CADM1: variants seen among roughly 807,000 people sequenced by gnomAD.
CADM1 encodes cell adhesion molecule 1, also known as TSLC-1.
In CADM1, 15 loss-of-function variants were observed where a neutral mutation model predicts 53.1. The ratio of observed to expected loss-of-function variants is 0.28; its 90% confidence interval spans 0.19 to 0.44. The LOEUF is 0.44. Among genes scored for constraint, CADM1 ranks in the 20% least tolerant of loss-of-function variants. CADM1 has a pLI of 1.00. For synonymous variants in CADM1, 281 were observed against 243.0 expected, an observed-to-expected ratio of 1.16 and a Z score of -1.45; for missense variants, 434 against 611.3, an observed-to-expected ratio of 0.71 and a Z score of 3.06.
intron 1 of CADM1, among the ~76,000 whole-genome samples, chr11:115,317,309 A>T (rs1031050986): frequency 6.6e-6 from 1 of 152,142 alleles, no homozygotes; most frequent in Non-Finnish European, 1.5e-5. Context: ...GGAGATGAAC[A>T]CGAAAAATTT....
rs147814019 is a variant in CADM1, at chr11:115,422,214, G to A, written c.124+82057C>T. Among the ~76,000 whole-genome samples, 33 of 152,250 alleles carry A rather than the reference G, an allele frequency of 2.2e-4. No individual in the cohort carries two copies. The East Asian group carries it at 4.8e-3, about 22-fold the overall frequency. On this transcript the variant is annotated intron_variant, in intron 1 of 11. Transcript: ENST00000331581. Reference sequence around the variant, plus strand: ...GTGCCTTCTCTCAAATCCACCAAATGCTGGAAAATGCCGCTCTCAGACAGA... The same window carrying A: ...GTGCCTTCTCTCAAATCCACCAAATACTGGAAAATGCCGCTCTCAGACAGA...
chr11:115,184,793 G>GT (rs1939467870), intron 10 of CADM1, among the ~76,000 whole-genome samples: 1 of 152,218 alleles, frequency 6.6e-6, no homozygotes, highest in Admixed American at 6.5e-5. Flanking sequence ...CCAGAGCTCA[G>GT]TATGTGTTCA....
chr11:115,228,301 G>A (rs1941689003), intron 5 of CADM1, among the ~76,000 whole-genome samples: 1 of 152,186 alleles, frequency 6.6e-6, no homozygotes. Context: ...GTGACAATTT[G>A]TTATGGCAGC....
intron 1 of CADM1, among the ~76,000 whole-genome samples, chr11:115,481,649 T>C (rs314511): frequency 0.047 from 7,123 of 152,274 alleles, 198 homozygotes; most frequent in Middle Eastern, 0.092. Context: ...CACTGTCTGC[T>C]TTCTAAATTT....
Position 115,295,549 on chromosome 11 carries a change from T to TAA in CADM1, c.125-55131_125-55130dup, listed in dbSNP as rs66617340. ...ATATATATATATATATATATATATA[T>TAA]AATATATATGTATATGCACATATAT... is the stretch of plus-strand genomic sequence containing the variant. On this transcript the variant is annotated intron_variant, in intron 1 of 11. Transcript: ENST00000331581. 3.5e-3 allele frequency among the ~76,000 whole-genome samples: 182 copies of TAA among 51,704 alleles called. 3 individuals are homozygous for TAA. Among genetic ancestry groups the TAA allele is most frequent in the East Asian group, 0.031 (27 of 870 alleles). 33.9% of individuals were successfully genotyped at this position (51,704 alleles called of 152,430 possible). A position where few individuals can be genotyped will look rare whatever the true frequency, so the allele number is the denominator to read the frequency against.
chr11:115,454,018 A>C (rs568795990), intron 1 of CADM1, among the ~76,000 whole-genome samples: 1 of 152,106 alleles, frequency 6.6e-6, no homozygotes, highest in Admixed American at 6.5e-5. Context: ...AGAGAAGTTC[A>C]TTCATTGGTC....
chr11:115,344,104 C>T (rs1193461299), intron 1 of CADM1, among the ~76,000 whole-genome samples: 2 of 151,868 alleles, frequency 1.3e-5, no homozygotes, highest in Non-Finnish European at 2.9e-5. Context: ...CTTCTGGTCT[C>T]CTTACAATGT....
At chr11:115,470,285 C>T (rs1948984639) in intron 1 of CADM1, among the ~76,000 whole-genome samples, 1 of 152,092 alleles carries the variant, frequency 6.6e-6, no homozygotes, top group Admixed American at 6.6e-5. Context: ...AGAATAAAAA[C>T]TAAATAAAGA....
At chr11:115,278,884 G>A (rs1336593035) in intron 1 of CADM1, among the ~76,000 whole-genome samples, 1 of 152,164 alleles carries the variant, frequency 6.6e-6, no homozygotes, top group East Asian at 1.9e-4. Context: ...GAGAGAGGAT[G>A]GAGGGAATAA....
intron 1 of CADM1, among the ~76,000 whole-genome samples, chr11:115,362,074 T>C (rs1357582162): frequency 6.6e-6 from 1 of 152,132 alleles, no homozygotes; most frequent in African/African-American, 2.4e-5. Flanking sequence ...TGAATAATCT[T>C]AAACTCTGTT....
chr11:115,372,539 A>G (rs1015791442), intron 1 of CADM1, among the ~76,000 whole-genome samples: 45 of 152,270 alleles, frequency 3.0e-4, no homozygotes, highest in African/African-American at 9.6e-4. Flanking sequence ...TCTCAAGAAC[A>G]TTGATAAAAA....
chr11:115,228,936 A>G (rs1005138962), intron 5 of CADM1, among the ~76,000 whole-genome samples, 177 bp downstream of exon 5: 1 of 152,230 alleles, frequency 6.6e-6, no homozygotes, highest in Non-Finnish European at 1.5e-5. Context: ...TCAAATCCTC[A>G]TTGGCACTCT....
chr11:115,367,945 T>A (rs1399142451), intron 1 of CADM1, among the ~76,000 whole-genome samples: 1 of 152,028 alleles, frequency 6.6e-6, no homozygotes, highest in Non-Finnish European at 1.5e-5. Context: ...ATTGAAATGG[T>A]TAAATGTCTA....
intron 1 of CADM1, among the ~76,000 whole-genome samples, chr11:115,318,421 C>T (rs552081312): frequency 6.6e-6 from 1 of 152,068 alleles, no homozygotes; most frequent in Non-Finnish European, 1.5e-5. Context: ...CTTGAAAATT[C>T]GTAAAAATTT....
chr11:115,337,112 C>A (rs1295578464), intron 1 of CADM1, among the ~76,000 whole-genome samples: 3 of 152,130 alleles, frequency 2.0e-5, no homozygotes, highest in African/African-American at 7.2e-5. Context: ...AAAACCAAGT[C>A]TGTCTAAGCT....
rs764344768 is a variant in CADM1, at chr11:115,175,179, T to A, written c.*1295A>T. On this transcript the variant is annotated 3_prime_UTR_variant, in exon 12 of 12. Transcript: ENST00000331581. ...GTTTTTCCACCTCTGCTCTGACCTATCGAGAACTGAGAGCGACAGCAGACC... is the reference window on the plus strand; with the variant it reads ...GTTTTTCCACCTCTGCTCTGACCTAACGAGAACTGAGAGCGACAGCAGACC... The A allele has an allele frequency of 5.1e-6, 5 of 985,802 alleles. No individual in the cohort carries two copies. The highest frequency in any genetic ancestry group is 6.0e-6 in the Non-Finnish European group (5 of 829,908). 61.1% of individuals were successfully genotyped at this position (985,802 alleles called of 1,614,324 possible). A position where few individuals can be genotyped will look rare whatever the true frequency, so the allele number is the denominator to read the frequency against.
chr11:115,388,282 T>C (rs1240525338), intron 1 of CADM1, among the ~76,000 whole-genome samples: 3 of 152,020 alleles, frequency 2.0e-5, no homozygotes, highest in Non-Finnish European at 4.4e-5. Context: ...GATGAATGGA[T>C]AGAAAAATTC....
intron 4 of CADM1, 98 bp downstream of exon 4, chr11:115,231,255 T>A (rs533460943): frequency 7.6e-7 from 1 of 1,312,150 alleles, no homozygotes; most frequent in African/African-American, 1.4e-5. Context: ...TGAATACTTT[T>A]GTTTCATGGG....
chr11:115,462,494 A>G (rs1591269619), intron 1 of CADM1, among the ~76,000 whole-genome samples: 1 of 152,162 alleles, frequency 6.6e-6, no homozygotes, highest in African/African-American at 2.4e-5. Context: ...AGTAAGGTGT[A>G]CCGACATCAT....
Sources: allele counts gnomAD v4.1 joint callset (sites outside exome capture counted in the v4.1 genomes callset), GRCh38; gene constraint gnomAD v4.1.1; transcripts MANE v1.5; gene names NCBI Gene and HGNC (gene_info 2026-07-23, HGNC 2026-07-21).